CNTNAP2: variants seen among roughly 807,000 people sequenced by gnomAD.
CNTNAP2 encodes contactin-associated protein-like 2.
Under a neutral mutation model 155.2 loss-of-function variants are expected in CNTNAP2, and 98 were observed. The observed-to-expected ratio is 0.63, with a 90% CI of 0.54 to 0.75. The LOEUF is 0.75. Among genes scored for constraint, CNTNAP2 ranks in the 30% least tolerant of loss-of-function variants. The pLI, the probability that CNTNAP2 is intolerant of heterozygous loss-of-function variation, is 0.00. For missense variants in CNTNAP2, 1,727 were observed against 1,688.1 expected, an observed-to-expected ratio of 1.02 and a Z score of -0.40; for synonymous variants, 651 against 631.2, an observed-to-expected ratio of 1.03 and a Z score of -0.47.
At chr7:148,211,031 A>T (rs1795538939) in intron 18 of CNTNAP2, among the ~76,000 whole-genome samples, 1 of 152,258 alleles carries the variant, frequency 6.6e-6, no homozygotes, top group African/African-American at 2.4e-5. Flanking sequence ...CCTGATGCAG[A>T]ATCATGATGC....
At chr7:147,590,221 T>A (rs894758626) in intron 12 of CNTNAP2, among the ~76,000 whole-genome samples, 2 of 152,148 alleles carry the variant, frequency 1.3e-5, no homozygotes, top group Non-Finnish European at 2.9e-5. Context: ...TTTATTTATT[T>A]AAAAAAATTA....
At chr7:147,301,125 C>T (rs908774566) in intron 9 of CNTNAP2, among the ~76,000 whole-genome samples, 1 of 152,020 alleles carries the variant, frequency 6.6e-6, no homozygotes, top group Non-Finnish European at 1.5e-5. Flanking sequence ...TTCCTGGGTG[C>T]CATTTTAAAG....
intron 1 of CNTNAP2, among the ~76,000 whole-genome samples, chr7:146,521,446 T>A (rs1209672572): frequency 6.6e-6 from 1 of 151,996 alleles, no homozygotes; most frequent in Non-Finnish European, 1.5e-5. Flanking sequence ...ATCAACTGAA[T>A]AATTTACTTT....
At chr7:148,302,108 C>G (rs1249329765) in intron 21 of CNTNAP2, among the ~76,000 whole-genome samples, 1 of 152,190 alleles carries the variant, frequency 6.6e-6, no homozygotes, top group Non-Finnish European at 1.5e-5. Context: ...GGATGCTGGA[C>G]TCCAGCAGTG....
chr7:146,319,626 A>T (rs1274668032), intron 1 of CNTNAP2, among the ~76,000 whole-genome samples: 2 of 152,248 alleles, frequency 1.3e-5, no homozygotes, highest in Non-Finnish European at 2.9e-5. Flanking sequence ...GGCTTGACGT[A>T]TGGATGCATA....
intron 11 of CNTNAP2, among the ~76,000 whole-genome samples, chr7:147,493,949 T>C (rs1208374909): frequency 6.6e-6 from 1 of 152,188 alleles, no homozygotes; most frequent in African/African-American, 2.4e-5. Context: ...GTAGAGAATA[T>C]GGTTTTCAAT....
chr7:147,047,496 A>G (rs1450940736), intron 4 of CNTNAP2, among the ~76,000 whole-genome samples: 5 of 151,838 alleles, frequency 3.3e-5, no homozygotes, highest in Admixed American at 2.0e-4. Flanking sequence ...TTATATATCT[A>G]TCATCTATAT....
intron 1 of CNTNAP2, among the ~76,000 whole-genome samples, chr7:146,483,284 T>A (rs61213210): frequency 0.44 from 11,216 of 25,340 alleles, 963 homozygotes; most frequent in South Asian, 0.49. Context: ...TAAAAAAAAA[T>A]ATATATATAT....
chr7:146,987,001 C>T (rs529054533), intron 3 of CNTNAP2, among the ~76,000 whole-genome samples: 101 of 152,116 alleles, frequency 6.6e-4, no homozygotes, highest in African/African-American at 2.4e-3. Flanking sequence ...GAAGAACCTG[C>T]AGAGAACCCT....
At chr7:147,484,523 G>A (rs1327802290) in intron 10 of CNTNAP2, among the ~76,000 whole-genome samples, 7 of 152,188 alleles carry the variant, frequency 4.6e-5, no homozygotes, top group Non-Finnish European at 8.8e-5. Context: ...GCAAGGCTGT[G>A]AATACAGTCG....
intron 15 of CNTNAP2, among the ~76,000 whole-genome samples, chr7:148,025,837 G>A (rs190055682): frequency 1.3e-5 from 2 of 152,258 alleles, no homozygotes; most frequent in African/African-American, 4.8e-5. Flanking sequence ...AGAGAAAACA[G>A]CAGGATCCTT....
chr7:146,737,993 A>G (rs1801649831), intron 1 of CNTNAP2, among the ~76,000 whole-genome samples: 1 of 152,220 alleles, frequency 6.6e-6, no homozygotes, highest in Admixed American at 6.5e-5. Context: ...GAGTGCAGAT[A>G]TGTTTTCAAA....
At chr7:146,390,043 CT>C (rs1201226997) in intron 1 of CNTNAP2, among the ~76,000 whole-genome samples, 2 of 151,902 alleles carry the variant, frequency 1.3e-5, no homozygotes, top group Non-Finnish European at 2.9e-5. Context: ...ATATTGTATT[CT>C]GGTCTCACCC....
At chr7:148,186,323 C>A (rs1313846084) in intron 18 of CNTNAP2, among the ~76,000 whole-genome samples, 1 of 152,172 alleles carries the variant, frequency 6.6e-6, no homozygotes, top group Non-Finnish European at 1.5e-5. Flanking sequence ...CCTTTATTTA[C>A]AAAATGAAGA....
chr7:147,855,641 C>G (rs1400983061), intron 13 of CNTNAP2, among the ~76,000 whole-genome samples: 2 of 151,888 alleles, frequency 1.3e-5, no homozygotes, highest in Non-Finnish European at 2.9e-5. Context: ...AAAATAAGTA[C>G]AATTGCAAAA....
intron 3 of CNTNAP2, among the ~76,000 whole-genome samples, chr7:147,015,445 AT>A (rs1168033283): frequency 2.0e-5 from 3 of 151,926 alleles, no homozygotes; most frequent in Non-Finnish European, 2.9e-5. Context: ...AGTGACTTCT[AT>A]TTTTTTTAAT....
At chr7:147,695,873 AT>A (rs1796153508) in intron 13 of CNTNAP2, among the ~76,000 whole-genome samples, 1 of 152,208 alleles carries the variant, frequency 6.6e-6, no homozygotes, top group Non-Finnish European at 1.5e-5. Flanking sequence ...AGACATATAT[AT>A]TAAGAATTGT....
chr7:146,152,824 G>T (rs62504801), intron 1 of CNTNAP2, among the ~76,000 whole-genome samples: 63,605 of 151,836 alleles, frequency 0.42, 15,264 homozygotes, highest in East Asian at 0.61. Flanking sequence ...ATCTGTTCCT[G>T]TTGAGGACCT....
chr7:148,337,350 G>A (rs1798138312), intron 21 of CNTNAP2, among the ~76,000 whole-genome samples: 1 of 152,076 alleles, frequency 6.6e-6, no homozygotes, highest in African/African-American at 2.4e-5. Context: ...TCCTCCCTGA[G>A]CCGGGAGGAC....
Sources: gnomAD v4.1 joint callset for allele counts (sites outside exome capture counted in the v4.1 genomes callset) on GRCh38, gnomAD v4.1.1 for gene constraint, MANE v1.5 for transcripts, NCBI Gene and HGNC (gene_info 2026-07-23, HGNC 2026-07-21) for gene names.